Variants in VPS13B observed in about 807,000 individuals in gnomAD.
VPS13B encodes the protein vacuolar protein sorting 13 homolog B, also known as intermembrane lipid transfer protein VPS13B.
VPS13B carries 285 observed loss-of-function variants against 426.4 expected under a neutral mutation model. The observed-to-expected ratio is 0.67, with a 90% CI of 0.61 to 0.74. The LOEUF is 0.74. Ranked by LOEUF, VPS13B falls within the 30% of genes least tolerant of loss-of-function variation. VPS13B has a pLI of 0.00. For synonymous variants in VPS13B, 1,676 were observed against 1,676.4 expected (o/e 1.00, Z 0.01); for missense variants, 4,537 against 4,782.6 (o/e 0.95, Z 1.51).
intron 3 of VPS13B, among the ~76,000 whole-genome samples, chr8:99,068,745 A>C (rs1844687343): frequency 6.6e-6 from 1 of 152,176 alleles, no homozygotes; most frequent in Admixed American, 6.5e-5. Flanking sequence ...AAAGGCCATT[A>C]AATCTCATGA....
chr8:99,225,940 C>T (rs1295852732), intron 17 of VPS13B, among the ~76,000 whole-genome samples: 3 of 151,876 alleles, frequency 2.0e-5, no homozygotes, highest in Non-Finnish European at 4.4e-5. Context: ...TTCTTCAAGC[C>T]TCTTTCTTTT....
chr8:99,284,595 C>G (rs1819335966), intron 19 of VPS13B, among the ~76,000 whole-genome samples: 1 of 151,860 alleles, frequency 6.6e-6, no homozygotes, highest in East Asian at 1.9e-4. Context: ...TAGAATCTCA[C>G]TCTGTCATCC....
At chr8:99,032,757 G>A (rs1842577782) in intron 2 of VPS13B, among the ~76,000 whole-genome samples, 1 of 151,118 alleles carries the variant, frequency 6.6e-6, no homozygotes, top group Non-Finnish European at 1.5e-5. Context: ...AGCCAGGATG[G>A]TCTCGATCTC....
chr8:99,312,681 C>T (rs1011803302), intron 19 of VPS13B, among the ~76,000 whole-genome samples: 5 of 152,050 alleles, frequency 3.3e-5, no homozygotes, highest in Non-Finnish European at 7.4e-5. Flanking sequence ...ATCTTTGTGG[C>T]GTTCTCTGTA....
At chr8:99,781,448 C>A (rs1223017068) in intron 42 of VPS13B, among the ~76,000 whole-genome samples, 1 of 152,092 alleles carries the variant, frequency 6.6e-6, no homozygotes, top group East Asian at 1.9e-4. Flanking sequence ...ATTATGATTC[C>A]AAGTGAGCAT....
intron 8 of VPS13B, among the ~76,000 whole-genome samples, chr8:99,125,462 G>T (rs1433211382): frequency 6.6e-6 from 1 of 152,156 alleles, no homozygotes. Flanking sequence ...TGACTCAATT[G>T]TTAAACTCCT....
At position 99,349,220 on chromosome 8, in the gene VPS13B, C is replaced by A. The variant is rs1034939971; in HGVS notation, c.2825-34988C>A. Among the ~76,000 whole-genome samples the A allele has an allele frequency of 4.2e-5, 6 of 144,254 alleles. No individual in the cohort carries two copies. In the East Asian group the frequency reaches 1.2e-3, roughly 29 times the overall value. The allele number at this position is 144,254 out of a possible 152,430, so 94.6% of individuals were successfully genotyped here. On this transcript the variant is annotated intron_variant, in intron 19 of 61. Transcript: ENST00000357162. The stretch of plus-strand genomic sequence containing the variant: ...TAGTGGCGGGCGCCTGTAGTCCCAG[C>A]TACTTGGGAGGCTGAGGCAGGAGAA...
At chr8:99,026,347 G>C (rs1842134032) in intron 2 of VPS13B, among the ~76,000 whole-genome samples, 1 of 152,094 alleles carries the variant, frequency 6.6e-6, no homozygotes, top group Admixed American at 6.6e-5. Flanking sequence ...TTCTATTGTG[G>C]TTAGAAAAGA....
chr8:99,222,113 G>A (rs889489500), intron 17 of VPS13B, among the ~76,000 whole-genome samples: 24 of 152,258 alleles, frequency 1.6e-4, no homozygotes, highest in African/African-American at 5.8e-4. Flanking sequence ...CAATTAAGAA[G>A]GATGACCTGT....
intron 19 of VPS13B, among the ~76,000 whole-genome samples, chr8:99,310,206 C>T (rs1398923277): frequency 6.6e-6 from 1 of 152,168 alleles, no homozygotes; most frequent in East Asian, 1.9e-4. Flanking sequence ...CTGGCCAGAA[C>T]TTCCAACACT....
At chr8:99,236,640 T>C (rs1450098744) in intron 17 of VPS13B, among the ~76,000 whole-genome samples, 7 of 152,244 alleles carry the variant, frequency 4.6e-5, no homozygotes, top group Non-Finnish European at 8.8e-5. Flanking sequence ...AGCTTTTAAA[T>C]GATGTTTCCT....
intron 39 of VPS13B, among the ~76,000 whole-genome samples, chr8:99,753,821 G>A (rs903340771): frequency 1.3e-5 from 2 of 152,136 alleles, no homozygotes; most frequent in African/African-American, 4.8e-5. Flanking sequence ...AGTCTTGTTT[G>A]TACTTAGAGG....
intron 59 of VPS13B, among the ~76,000 whole-genome samples, chr8:99,869,645 G>A (rs12541837): frequency 1.3e-5 from 2 of 152,082 alleles, no homozygotes; most frequent in Non-Finnish European, 2.9e-5. Context: ...GTGAGGTAAA[G>A]TGAAGTCATA....
At chr8:99,668,854 A>T (rs1436120590) in intron 35 of VPS13B, among the ~76,000 whole-genome samples, 1 of 152,152 alleles carries the variant, frequency 6.6e-6, no homozygotes, top group Non-Finnish European at 1.5e-5. Flanking sequence ...TCGTCATTTT[A>T]ATACACAATC....
intron 33 of VPS13B, among the ~76,000 whole-genome samples, chr8:99,632,887 ATTAG>A (rs971809295): frequency 6.6e-6 from 1 of 151,988 alleles, no homozygotes; most frequent in African/African-American, 2.4e-5. Context: ...TTTCCATAAA[ATTAG>A]TTAGGTAGTA....
chr8:99,640,058 AAAGAAAAGAAAAGAAAAGAAAAG>A, intron 33 of VPS13B, among the ~76,000 whole-genome samples: 2 of 68,434 alleles, frequency 2.9e-5, no homozygotes, highest in Non-Finnish European at 6.0e-5. Context: ...AGAGAAAAGA[AAAGAAAAGAAAAGAAAAGAAAAG>A]AAAAGAAAAG....
intron 33 of VPS13B, among the ~76,000 whole-genome samples, chr8:99,624,008 T>TATATATATATATATA (rs61596072): frequency 2.9e-4 from 21 of 71,524 alleles, no homozygotes; most frequent in African/African-American, 6.8e-4. Context: ...TATATATATA[T>TATATATATATATATA]TTTTTTTTTT....
intron 21 of VPS13B, among the ~76,000 whole-genome samples, chr8:99,399,246 G>GA (rs1221160493): frequency 6.6e-6 from 1 of 152,012 alleles, no homozygotes; most frequent in Non-Finnish European, 1.5e-5. Flanking sequence ...TACATTGTAA[G>GA]AAAAATTATT....
chr8:99,429,209 A>G (rs1816940246), intron 21 of VPS13B, among the ~76,000 whole-genome samples: 1 of 152,060 alleles, frequency 6.6e-6, no homozygotes, highest in African/African-American at 2.4e-5. Flanking sequence ...GCAGCCCACC[A>G]ACATGGCACA....
Sources: gnomAD v4.1 joint callset for allele counts (sites outside exome capture counted in the v4.1 genomes callset) on GRCh38, gnomAD v4.1.1 for gene constraint, MANE v1.5 for transcripts, NCBI Gene and HGNC (gene_info 2026-07-23, HGNC 2026-07-21) for gene names.